Variants in TTC17 observed in about 807,000 individuals in gnomAD.
TTC17 encodes the protein tetratricopeptide repeat domain 17.
In TTC17, 58 loss-of-function variants were observed where a neutral mutation model predicts 143.8. The observed-to-expected ratio is 0.40, with a 90% CI of 0.33 to 0.50. TTC17 has a LOEUF of 0.50. TTC17 is among the 20% of genes least tolerant of loss of function. The pLI, the probability that TTC17 is intolerant of heterozygous loss-of-function variation, is 0.49. For missense variants in TTC17, 1,273 were observed against 1,392.5 expected, an observed-to-expected ratio of 0.91 and a Z score of 1.37; for synonymous variants, 501 against 497.8, an observed-to-expected ratio of 1.01 and a Z score of -0.09.
In TTC17 at chr11:43,359,141, C is replaced by G. The variant is rs371038995; in HGVS notation, c.159+28C>G. 567 of 1,552,476 alleles carry G rather than the reference C, an allele frequency of 3.7e-4. No individual in the cohort carries two copies. In the African/African-American group the frequency reaches 5.5e-3, roughly 15 times the overall value. On this transcript the variant is annotated intron_variant, in intron 1 of 23. Coordinates refer to ENST00000039989, the MANE Select transcript of TTC17 (RefSeq NM_018259.6). ...AGCGGCCGGGGCGTCCCTCTTCTCCCGTGCCCGCCCTCGCCCCGGGGGGAT... is the reference window on the plus strand; with the variant it reads ...AGCGGCCGGGGCGTCCCTCTTCTCCGGTGCCCGCCCTCGCCCCGGGGGGAT...
intron 16 of TTC17, 62 bp from the exon 17 acceptor site, chr11:43,443,263 C>G (rs2134728491): frequency 6.4e-7 from 1 of 1,572,988 alleles, no homozygotes; most frequent in African/African-American, 1.4e-5. Flanking sequence ...GGGTTGGAGT[C>G]ACCCAAGGTC....
intron 16 of TTC17, among the ~76,000 whole-genome samples, chr11:43,437,503 T>C (rs1947319411): frequency 6.6e-6 from 1 of 152,182 alleles, no homozygotes; most frequent in Non-Finnish European, 1.5e-5. Flanking sequence ...TTTTTGTGCG[T>C]CCAAAGAGTT....
intron 16 of TTC17, among the ~76,000 whole-genome samples, chr11:43,442,316 C>T (rs771999129): frequency 6.6e-6 from 1 of 152,176 alleles, no homozygotes; most frequent in Non-Finnish European, 1.5e-5. Flanking sequence ...GCCAGAATTA[C>T]CAACTGAAGA....
At chr11:43,457,274 G>GC (rs989131648) in intron 21 of TTC17, among the ~76,000 whole-genome samples, 4 of 152,050 alleles carry the variant, frequency 2.6e-5, no homozygotes, top group African/African-American at 9.7e-5. Flanking sequence ...CAAACTGTAT[G>GC]CCCCAACTTA....
intron 23 of TTC17, 85 bp from the exon 24 acceptor site, chr11:43,493,688 G>A (rs1412887678): frequency 1.3e-6 from 2 of 1,593,590 alleles, no homozygotes; most frequent in Admixed American, 1.7e-5. Flanking sequence ...CTAGTACAGA[G>A]GTGCTTCTTG....
Position 43,391,887 on chromosome 11 carries a change from T to C in TTC17, c.598T>C (p.Leu200=), listed in dbSNP as rs764410864. The C allele has an allele frequency of 6.2e-7, 1 of 1,614,032 alleles. No individual in the cohort carries two copies. Among genetic ancestry groups the C allele is most frequent in the South Asian group, 1.1e-5 (1 of 91,038 alleles). ...LPKEDPIFTY[L]SKRLGRSIDD... Reference sequence around the variant, plus strand: ...TAAAGAAGACCCAATCTTCACATATTTATCTAAACGGTTAGGAAGGAGTAT... The same window carrying C: ...TAAAGAAGACCCAATCTTCACATATCTATCTAAACGGTTAGGAAGGAGTAT... Residue 200 remains leucine (L), a synonymous_variant, in exon 5 of 24, where the codon TTA becomes CTA. Coordinates refer to ENST00000039989, the MANE Select transcript of TTC17 (RefSeq NM_018259.6).
chr11:43,411,704 A>C (rs537660799), intron 15 of TTC17, among the ~76,000 whole-genome samples: 1 of 152,194 alleles, frequency 6.6e-6, no homozygotes, highest in Admixed American at 6.6e-5. Flanking sequence ...TCATTTTGTC[A>C]TAGGGATAAT....
In TTC17 at chr11:43,443,471, C is replaced by T. The variant is rs369116264; in HGVS notation, c.2398C>T (p.Arg800Trp). 3.5e-5 allele frequency: 57 copies of T among 1,613,916 alleles called. No individual in the cohort carries two copies. Among genetic ancestry groups the T allele is most frequent in the South Asian group, 1.1e-4 (10 of 91,082 alleles). Residue 800 changes from arginine (R) to tryptophan (W), a missense_variant, in exon 17 of 24, where the codon CGG becomes TGG. Arg to Trp is a moderately radical substitution (Grantham distance 101). Transcript: ENST00000039989. ...GFGGALEMKG[R>W]RLDLQGIRVL... ...TGGGGGTGCACTAGAGATGAAAGGGCGGCGTCTAGACTTACAAGGAATACG... is the reference window on the plus strand; with the variant it reads ...TGGGGGTGCACTAGAGATGAAAGGGTGGCGTCTAGACTTACAAGGAATACG...
At chr11:43,479,963 T>C (rs1948255650) in intron 21 of TTC17, among the ~76,000 whole-genome samples, 1 of 152,136 alleles carries the variant, frequency 6.6e-6, no homozygotes, top group Admixed American at 6.5e-5. Context: ...GTGCTGTTGC[T>C]GGAATAACAC....
At chr11:43,433,061 C>T (rs1027011582) in intron 16 of TTC17, among the ~76,000 whole-genome samples, 13 of 152,002 alleles carry the variant, frequency 8.6e-5, no homozygotes, top group Admixed American at 6.5e-4. Context: ...AGTGCGGTGG[C>T]GCAGTCTCGG....
At chr11:43,359,347 G>GGCCGCGC (rs1051975629) in intron 1 of TTC17, 17 of 491,770 alleles carry the variant, frequency 3.5e-5, no homozygotes, top group Middle Eastern at 1.1e-3. Flanking sequence ...CCACCTCGCG[G>GGCCGCGC]GCCGCGCGCC....
At chr11:43,419,060 A>T (rs1447851943) in intron 16 of TTC17, among the ~76,000 whole-genome samples, 1 of 152,208 alleles carries the variant, frequency 6.6e-6, no homozygotes, top group African/African-American at 2.4e-5. Context: ...CACAAACAGC[A>T]ACTTCGCTGT....
At chr11:43,454,630 T>A (rs1430056699) in intron 21 of TTC17, among the ~76,000 whole-genome samples, 1 of 151,938 alleles carries the variant, frequency 6.6e-6, no homozygotes, top group African/African-American at 2.4e-5. Context: ...AATAAAAGAA[T>A]GGATAAAGCA....
At chr11:43,456,844 G>C (rs1474633668) in intron 21 of TTC17, among the ~76,000 whole-genome samples, 1 of 152,092 alleles carries the variant, frequency 6.6e-6, no homozygotes, top group Non-Finnish European at 1.5e-5. Context: ...TTTCCAAGGA[G>C]CATTTCGATT....
intron 1 of TTC17, among the ~76,000 whole-genome samples, chr11:43,372,097 G>T (rs1249306365): frequency 6.6e-6 from 1 of 152,122 alleles, no homozygotes; most frequent in Non-Finnish European, 1.5e-5. Context: ...AAGAAAAAAT[G>T]TATATATTCA....
intron 18 of TTC17, chr11:43,446,490 G>C: frequency 2.5e-6 from 1 of 404,276 alleles, no homozygotes; most frequent in Non-Finnish European, 3.3e-6. Context: ...CCTTATAACA[G>C]GTGCTCAATA....
At chr11:43,449,776 C>G (rs1227899602) in intron 19 of TTC17, 1 of 259,176 alleles carries the variant, frequency 3.9e-6, no homozygotes, top group Non-Finnish European at 7.4e-6. Context: ...ATACAATGTA[C>G]GGCTGTATCT....
chr11:43,414,841 A>G (rs1946740837), intron 16 of TTC17, 65 bp downstream of exon 16: 1 of 1,511,512 alleles, frequency 6.6e-7, no homozygotes, highest in African/African-American at 1.4e-5. Flanking sequence ...TGATCAAAAG[A>G]ACACAGAAAA....
At chr11:43,486,669 G>T (rs905754677) in intron 21 of TTC17, among the ~76,000 whole-genome samples, 9 of 152,034 alleles carry the variant, frequency 5.9e-5, no homozygotes, top group African/African-American at 2.2e-4. Flanking sequence ...GTCGTTTCTG[G>T]AATATTCATT....
Sources: allele counts gnomAD v4.1 joint callset (sites outside exome capture counted in the v4.1 genomes callset), GRCh38; gene constraint gnomAD v4.1.1; transcripts MANE v1.5; gene names NCBI Gene and HGNC (gene_info 2026-07-23, HGNC 2026-07-21).